The following DLC1 variants were observed in gnomAD, a reference collection of about 807,000 sequenced individuals.
DLC1 encodes DLC1 Rho GTPase activating protein.
Under a neutral mutation model 140.3 loss-of-function variants are expected in DLC1, and 54 were observed. The observed-to-expected ratio is 0.38, with a 90% CI of 0.31 to 0.48. DLC1 has a LOEUF of 0.48. Among genes scored for constraint, DLC1 ranks in the 20% least tolerant of loss-of-function variants. The probability of loss-of-function intolerance (pLI) is 0.96; values close to 1 mark genes in which losing one functional copy is unlikely to be tolerated. For missense variants in DLC1, 2,536 were observed against 1,907.0 expected (o/e 1.33, Z -6.14); for synonymous variants, 986 against 728.1 (o/e 1.35, Z -5.70).
chr8:13,307,724 T>G (rs1832506019), intron 4 of DLC1, among the ~76,000 whole-genome samples: 1 of 152,222 alleles, frequency 6.6e-6, no homozygotes, highest in African/African-American at 2.4e-5. Context: ...GTGCTTAGTT[T>G]GTGTATGACC....
At chr8:13,440,119 A>G (rs1040280425) in intron 2 of DLC1, among the ~76,000 whole-genome samples, 4 of 152,162 alleles carry the variant, frequency 2.6e-5, no homozygotes, top group African/African-American at 9.7e-5. Context: ...CAGGACATTC[A>G]TACTTTCTTT....
intron 1 of DLC1, among the ~76,000 whole-genome samples, chr8:13,565,366 A>G (rs1359192803): frequency 6.6e-6 from 1 of 152,258 alleles, no homozygotes; most frequent in East Asian, 1.9e-4. Context: ...AAACATGAAT[A>G]GTGTGTAAAT....
At chr8:13,580,162 G>T (rs1805037043) in intron 1 of DLC1, among the ~76,000 whole-genome samples, 1 of 149,610 alleles carries the variant, frequency 6.7e-6, no homozygotes, top group Non-Finnish European at 1.5e-5. Context: ...TTGCTCTGTT[G>T]TCCAGGCTGG....
chr8:13,601,375 C>G (rs985355876), intron 1 of DLC1, among the ~76,000 whole-genome samples: 3 of 151,742 alleles, frequency 2.0e-5, no homozygotes, highest in Non-Finnish European at 2.9e-5. Flanking sequence ...GTAGTCTACT[C>G]ATTTAGTCTC....
intron 1 of DLC1, among the ~76,000 whole-genome samples, chr8:13,596,557 A>T (rs1405076202): frequency 1.3e-5 from 2 of 152,016 alleles, no homozygotes; most frequent in African/African-American, 4.8e-5. Context: ...CAGAGTAACA[A>T]TACTAGTTTT....
At chr8:13,262,173 G>T (rs980799297) in intron 5 of DLC1, among the ~76,000 whole-genome samples, 9 of 152,118 alleles carry the variant, frequency 5.9e-5, no homozygotes, top group African/African-American at 2.2e-4. Context: ...TATTGGTTGT[G>T]ACTGAATATG....
chr8:13,235,356 A>T (rs1829229746), intron 5 of DLC1, among the ~76,000 whole-genome samples: 1 of 152,066 alleles, frequency 6.6e-6, no homozygotes, highest in South Asian at 2.1e-4. Flanking sequence ...TACCTTCTTA[A>T]AATTCAGGAA....
At chr8:13,509,576 C>T (rs533431880) in intron 1 of DLC1, among the ~76,000 whole-genome samples, 2 of 152,108 alleles carry the variant, frequency 1.3e-5, no homozygotes, top group South Asian at 4.1e-4. Flanking sequence ...GTAAAAACAT[C>T]CTTCAATTAA....
chr8:13,162,771 C>T (rs1433632918), intron 5 of DLC1, among the ~76,000 whole-genome samples: 1 of 152,114 alleles, frequency 6.6e-6, no homozygotes, highest in Non-Finnish European at 1.5e-5. Context: ...GAGACCCCGT[C>T]TTTACGCCTC....
intron 1 of DLC1, among the ~76,000 whole-genome samples, chr8:13,542,678 A>G (rs1803524837): frequency 6.6e-6 from 1 of 152,138 alleles, no homozygotes. Flanking sequence ...GCAATGTTTT[A>G]TAGTTTTCAG....
At chr8:13,147,253 A>C (rs1008940642) in intron 5 of DLC1, among the ~76,000 whole-genome samples, 1 of 152,198 alleles carries the variant, frequency 6.6e-6, no homozygotes, top group Non-Finnish European at 1.5e-5. Context: ...CTCTGACCTA[A>C]ATAAATCTCC....
intron 1 of DLC1, among the ~76,000 whole-genome samples, chr8:13,552,830 C>T (rs1014585994): frequency 2.0e-5 from 3 of 151,698 alleles, no homozygotes; most frequent in Admixed American, 6.6e-5. Context: ...AGTACAAAGT[C>T]TAAGTGAAAG....
At chr8:13,111,872 T>C (rs1394279059) in intron 6 of DLC1, among the ~76,000 whole-genome samples, 1 of 152,146 alleles carries the variant, frequency 6.6e-6, no homozygotes, top group Admixed American at 6.5e-5. Flanking sequence ...GGCTGGGCAC[T>C]GTGGCTCACA....
chr8:13,413,255 G>GTTTTTTTTTTTTTTTT (rs1461897724), intron 2 of DLC1, among the ~76,000 whole-genome samples: 36 of 30,120 alleles, frequency 1.2e-3, no homozygotes, highest in Non-Finnish European at 2.3e-3. Context: ...ATTTTTTTGC[G>GTTTTTTTTTTTTTTTT]ATTTTTTTTT....
Position 13,085,682 on chromosome 8 carries a change from T to C in DLC1, c.*129A>G, listed in dbSNP as rs902717516. On this transcript the variant is annotated 3_prime_UTR_variant, in exon 18 of 18. Coordinates refer to ENST00000276297, the MANE Select transcript of DLC1 (RefSeq NM_182643.3). ...TTAAAAATGTATCAAATTGCTATAG[T>C]CAATTCCTACACTCCAGCTTGTAGT... is the stretch of plus-strand genomic sequence containing the variant. 4.7e-5 allele frequency: 66 copies of C among 1,405,480 alleles called. No homozygotes were observed. Among genetic ancestry groups the C allele is most frequent in the Middle Eastern group, 3.9e-4 (2 of 5,086 alleles). The allele number at this position is 1,405,480 out of a possible 1,614,324, so 87.1% of individuals were successfully genotyped here.
At chr8:13,305,232 A>T (rs200910824) in intron 5 of DLC1, 37 bp downstream of exon 5, 37 of 1,607,720 alleles carry the variant, frequency 2.3e-5, no homozygotes, top group Non-Finnish European at 3.1e-5. Flanking sequence ...ATTCTAAAAT[A>T]GATTGGCGAG....
chr8:13,156,006 GAT>G (rs1208762353), intron 5 of DLC1, among the ~76,000 whole-genome samples: 4 of 151,838 alleles, frequency 2.6e-5, no homozygotes, highest in African/African-American at 9.7e-5. Context: ...ATTTATTCTA[GAT>G]ATATCCCTCA....
At chr8:13,127,080 G>A (rs117860262) in intron 5 of DLC1, among the ~76,000 whole-genome samples, 4,491 of 152,272 alleles carry the variant, frequency 0.029, 100 homozygotes, top group Non-Finnish European at 0.046. Flanking sequence ...TCAACTAGAC[G>A]TTCTCAGTTT....
intron 5 of DLC1, among the ~76,000 whole-genome samples, chr8:13,148,201 G>A (rs570427106): frequency 6.6e-6 from 1 of 152,098 alleles, no homozygotes; most frequent in Non-Finnish European, 1.5e-5. Flanking sequence ...CATATTCACA[G>A]GGGTTTGTTG....
Sources: allele counts gnomAD v4.1 joint callset (sites outside exome capture counted in the v4.1 genomes callset), GRCh38; gene constraint gnomAD v4.1.1; transcripts MANE v1.5; gene names NCBI Gene and HGNC (gene_info 2026-07-23, HGNC 2026-07-21).